OPCML: variants seen among roughly 807,000 people sequenced by gnomAD.
The protein encoded by OPCML is opioid binding protein/cell adhesion molecule like.
A neutral mutation model predicts 37.8 loss-of-function variants in OPCML; 13 were observed. The ratio of observed to expected loss-of-function variants is 0.34; its 90% CI spans 0.22 to 0.55. The LOEUF (loss-of-function observed/expected upper bound fraction) is 0.55. OPCML is among the 20% of genes least tolerant of loss of function. OPCML has a pLI of 0.91. For missense variants in OPCML, 341 were observed against 435.6 expected, an observed-to-expected ratio of 0.78 and a Z score of 1.93; for synonymous variants, 176 against 168.8, an observed-to-expected ratio of 1.04 and a Z score of -0.33.
chr11:132,871,215 A>T (rs1193022803), intron 2 of OPCML, among the ~76,000 whole-genome samples: 4 of 108,542 alleles, frequency 3.7e-5, no homozygotes, highest in African/African-American at 1.2e-4. Flanking sequence ...ACTTAATTTA[A>T]AAAAAAAAAA....
chr11:132,952,463 A>G (rs1945881515), intron 1 of OPCML, among the ~76,000 whole-genome samples: 1 of 152,302 alleles, frequency 6.6e-6, no homozygotes, highest in East Asian at 1.9e-4. Context: ...CTCGCTTCTC[A>G]TTCTTGTTTG....
intron 3 of OPCML, among the ~76,000 whole-genome samples, chr11:132,593,650 A>G (rs923356734): frequency 4.6e-5 from 7 of 152,146 alleles, no homozygotes. Context: ...GACATGGGAG[A>G]GAAATGGAGA....
chr11:133,082,463 T>A (rs1322464060), intron 1 of OPCML, among the ~76,000 whole-genome samples: 1 of 33,798 alleles, frequency 3.0e-5, no homozygotes, highest in African/African-American at 1.2e-4. Context: ...CTCCCCATCC[T>A]CCCCATCCTC....
intron 1 of OPCML, among the ~76,000 whole-genome samples, chr11:133,145,069 G>A (rs375554981): frequency 9.2e-5 from 14 of 152,212 alleles, no homozygotes; most frequent in African/African-American, 2.9e-4. Flanking sequence ...AAACGGCAGC[G>A]AGTGAGACCA....
rs115452623 is a variant in OPCML at position 132,608,340 on chromosome 11, C to T, written c.379+48747G>A. Among the ~76,000 whole-genome samples the T allele has an allele frequency of 2.4e-3, 373 of 152,310 alleles. 1 individual carries two copies. Among genetic ancestry groups the T allele is most frequent in the African/African-American group, 8.1e-3 (335 of 41,560 alleles). ...CCACACTCTGCTCAGAGACACAATACTATGTCTCTGTTTTATCATTCTGAC... is the reference window on the plus strand; with the variant it reads ...CCACACTCTGCTCAGAGACACAATATTATGTCTCTGTTTTATCATTCTGAC... On this transcript the variant is annotated intron_variant, in intron 3 of 7. Coordinates refer to ENST00000524381, the MANE Select transcript of OPCML (RefSeq NM_001012393.5).
chr11:132,718,339 G>A (rs1256452365), intron 2 of OPCML, among the ~76,000 whole-genome samples: 1 of 152,132 alleles, frequency 6.6e-6, no homozygotes, highest in African/African-American at 2.4e-5. Context: ...GAAAAAGAAT[G>A]AGGGCTAAAT....
chr11:132,593,222 A>T (rs2096487339), intron 3 of OPCML, among the ~76,000 whole-genome samples: 1 of 152,154 alleles, frequency 6.6e-6, no homozygotes, highest in Non-Finnish European at 1.5e-5. Context: ...ACAGCCCCAC[A>T]GAGGGAAACA....
At chr11:132,613,526 G>C (rs1938796261) in intron 3 of OPCML, among the ~76,000 whole-genome samples, 2 of 152,102 alleles carry the variant, frequency 1.3e-5, no homozygotes, top group Non-Finnish European at 2.9e-5. Flanking sequence ...CCAAACCATT[G>C]GAACTGTCCC....
At chr11:132,498,516 T>C (rs2096238307) in intron 4 of OPCML, among the ~76,000 whole-genome samples, 1 of 152,224 alleles carries the variant, frequency 6.6e-6, no homozygotes, top group East Asian at 1.9e-4. Context: ...ATACAACTTT[T>C]GAAGGAGAGA....
At chr11:132,652,953 A>T (rs1160847927) in intron 3 of OPCML, among the ~76,000 whole-genome samples, 1 of 152,112 alleles carries the variant, frequency 6.6e-6, no homozygotes, top group Admixed American at 6.5e-5. Flanking sequence ...CTAAGTGCTG[A>T]GGTTGGATAT....
intron 1 of OPCML, among the ~76,000 whole-genome samples, chr11:132,948,401 G>A (rs1945791351): frequency 6.6e-6 from 1 of 152,200 alleles, no homozygotes; most frequent in African/African-American, 2.4e-5. Flanking sequence ...GAATATTTCT[G>A]GCAGGCTCTG....
rs749639934 is a variant in OPCML at position 133,212,888 on chromosome 11, G to A, written c.62-269878C>T. On this transcript the variant is annotated intron_variant, in intron 1 of 7. Transcript: ENST00000524381. The surrounding 1 kb of genome is among the most constrained non-coding windows in gnomAD (Gnocchi z 4.9). ...TCTAAAATTCCACGTTTGTATCTGC[G>A]TCATGCCGTTAAACCACACATCAAG... 5.9e-5 allele frequency among the ~76,000 whole-genome samples: 9 copies of A among 152,062 alleles called. No individual in the cohort carries two copies. Among genetic ancestry groups the A allele is most frequent in the Non-Finnish European group, 1.3e-4 (9 of 68,028 alleles).
intron 1 of OPCML, among the ~76,000 whole-genome samples, chr11:133,319,839 T>C (rs1028900752): frequency 6.6e-6 from 1 of 152,178 alleles, no homozygotes; most frequent in Non-Finnish European, 1.5e-5. Flanking sequence ...TGAAACAAAA[T>C]GACCCTGTGG....
intron 1 of OPCML, among the ~76,000 whole-genome samples, chr11:133,231,701 G>T (rs562140389): frequency 2.6e-4 from 39 of 152,158 alleles, no homozygotes; most frequent in Non-Finnish European, 4.8e-4. Context: ...ACCTTGGGCA[G>T]TATGCATAAC....
chr11:133,429,939 T>A (rs1307440229), intron 1 of OPCML, among the ~76,000 whole-genome samples: 1 of 152,128 alleles, frequency 6.6e-6, no homozygotes, highest in Non-Finnish European at 1.5e-5. Flanking sequence ...AATATACAGA[T>A]TTTATCAGGA....
chr11:133,270,208 A>G (rs1419934328), intron 1 of OPCML, among the ~76,000 whole-genome samples: 2 of 152,164 alleles, frequency 1.3e-5, no homozygotes, highest in East Asian at 1.9e-4. Context: ...GAAAACAGAG[A>G]GCAAACCTAT....
chr11:132,929,693 G>T lies in OPCML; in HGVS notation c.146+13233C>A, dbSNP rs193135281. ...AAAATGTCAGCAAAGTGAATTCAAA[G>T]CATATTAAAAGAATTATACTCATAA... On this transcript the variant is annotated intron_variant, in intron 2 of 7. Coordinates refer to ENST00000524381, the MANE Select transcript of OPCML (RefSeq NM_001012393.5). Among the ~76,000 whole-genome samples the T allele has an allele frequency of 1.4e-3, 211 of 152,156 alleles. 1 individual carries two copies. The highest frequency in any genetic ancestry group is 2.3e-3 in the Non-Finnish European group (153 of 67,988).
intron 4 of OPCML, among the ~76,000 whole-genome samples, chr11:132,505,927 A>T (rs2137150102): frequency 6.6e-6 from 1 of 152,272 alleles, no homozygotes; most frequent in East Asian, 1.9e-4. Context: ...CTAATAACAG[A>T]CTTACTGCAT....
intron 2 of OPCML, among the ~76,000 whole-genome samples, chr11:132,898,251 A>G (rs1267440773): frequency 6.6e-6 from 1 of 152,232 alleles, no homozygotes; most frequent in Non-Finnish European, 1.5e-5. Context: ...GATGGCTTCC[A>G]TCATGGAAGA....
Sources: allele counts gnomAD v4.1 joint callset (sites outside exome capture counted in the v4.1 genomes callset), GRCh38; gene constraint gnomAD v4.1.1; non-coding constraint Gnocchi (gnomAD v3.1); transcripts MANE v1.5; gene names NCBI Gene and HGNC (gene_info 2026-07-23, HGNC 2026-07-21).